The following PPP1R12B variants were observed in gnomAD, a reference collection of about 807,000 sequenced individuals.
The protein encoded by PPP1R12B is protein phosphatase 1 regulatory subunit 12B, also known as myosin phosphatase target subunit 2.
In PPP1R12B, 76 loss-of-function variants were observed where a neutral mutation model predicts 126.1. The observed-to-expected ratio is 0.60, with a 90% CI of 0.50 to 0.73. The LOEUF is 0.73. Ranked by LOEUF, PPP1R12B falls within the 30% of genes least tolerant of loss-of-function variation. The pLI is 0.00. For missense variants in PPP1R12B, 1,052 were observed against 1,205.1 expected, an observed-to-expected ratio of 0.87 and a Z score of 1.88; for synonymous variants, 356 against 434.7, an observed-to-expected ratio of 0.82 and a Z score of 2.25.
chr1:202,549,860 A>G (rs1425234181), intron 18 of PPP1R12B, among the ~76,000 whole-genome samples: 1 of 152,176 alleles, frequency 6.6e-6, no homozygotes, highest in Non-Finnish European at 1.5e-5. Context: ...GGCTGGGCAC[A>G]TACAGGTGCT....
chr1:202,538,592 G>A (rs1684785094), intron 18 of PPP1R12B, among the ~76,000 whole-genome samples: 1 of 152,198 alleles, frequency 6.6e-6, no homozygotes, highest in Admixed American at 6.5e-5. Context: ...TAAATTTCAT[G>A]TGGAAAAAGG....
At chr1:202,446,256 A>ATATATTT (rs376183502) in intron 12 of PPP1R12B, among the ~76,000 whole-genome samples, 168 of 54,270 alleles carry the variant, frequency 3.1e-3, no homozygotes, top group East Asian at 0.015. Flanking sequence ...ATATATATAT[A>ATATATTT]TTTTTTTTTT....
At chr1:202,516,431 G>A (rs575132894) in intron 18 of PPP1R12B, among the ~76,000 whole-genome samples, 10 of 152,266 alleles carry the variant, frequency 6.6e-5, no homozygotes, top group South Asian at 6.2e-4. Flanking sequence ...AGAGTATCTC[G>A]TAGGTTTGCC....
At position 202,456,271 on chromosome 1, in the gene PPP1R12B, A is replaced by G. The variant is rs1199349813; in HGVS notation, c.1850+7100A>G. Among the ~76,000 whole-genome samples the G allele has an allele frequency of 5.6e-4, 85 of 151,816 alleles. 1 individual carries two copies. The highest frequency in any genetic ancestry group is 5.5e-3 in the Admixed American group (84 of 15,222). On this transcript the variant is annotated intron_variant, in intron 13 of 23. Coordinates refer to ENST00000608999, the MANE Select transcript of PPP1R12B (RefSeq NM_002481.4). ...GCGACAGAGCAAGAATCCGTCTCAA[A>G]AAAAAAAAAGAAAGAAAGAAAGAAA...
chr1:202,504,828 C>T (rs1680639801), intron 18 of PPP1R12B, among the ~76,000 whole-genome samples: 1 of 152,188 alleles, frequency 6.6e-6, no homozygotes, highest in South Asian at 2.1e-4. Context: ...GCCTCAGTTT[C>T]CTCATCTGTA....
chr1:202,465,747 T>TAGTA (rs1674891085), intron 13 of PPP1R12B, among the ~76,000 whole-genome samples: 1 of 152,230 alleles, frequency 6.6e-6, no homozygotes, highest in South Asian at 2.1e-4. Flanking sequence ...TAATACTGGA[T>TAGTA]AGTATACTGA....
In PPP1R12B at chr1:202,586,127, A is replaced by G. The variant is rs1165525909; in HGVS notation, c.*5567A>G. On this transcript the variant is annotated 3_prime_UTR_variant, in exon 24 of 24. Coordinates refer to ENST00000608999, the MANE Select transcript of PPP1R12B (RefSeq NM_002481.4). ...AAGTAGGAGGTTCTGATACCATTCA[A>G]GATGGTCTTTCCTTCAAAGCAGGTC... 1 of 152,266 alleles carries G rather than the reference A, an allele frequency of 6.6e-6. No homozygotes were observed. Among genetic ancestry groups the G allele is most frequent in the Non-Finnish European group, 1.5e-5 (1 of 68,074 alleles). The allele number at this position is 152,266 out of a possible 1,614,324, so 9.4% of individuals were successfully genotyped here. A position where few individuals can be genotyped will look rare whatever the true frequency, so the allele number is the denominator to read the frequency against.
chr1:202,514,205 A>G (rs972341714), intron 18 of PPP1R12B, among the ~76,000 whole-genome samples: 5 of 151,552 alleles, frequency 3.3e-5, no homozygotes, highest in Non-Finnish European at 5.9e-5. Flanking sequence ...GCTTTTTTTC[A>G]TATGCTTGTT....
intron 1 of PPP1R12B, among the ~76,000 whole-genome samples, chr1:202,400,759 A>G (rs963221845): frequency 2.0e-4 from 30 of 152,360 alleles, no homozygotes; most frequent in African/African-American, 7.2e-4. Context: ...AGAAAGAAAT[A>G]GTACTGTTAT....
intron 3 of PPP1R12B, 61 bp from the exon 4 acceptor site, chr1:202,425,505 A>G: frequency 6.5e-7 from 1 of 1,542,536 alleles, no homozygotes; most frequent in South Asian, 1.2e-5. Flanking sequence ...TAAGGAAAAT[A>G]TCCTGTCAAA....
At chr1:202,430,363 C>G (rs1025009666) in intron 6 of PPP1R12B, among the ~76,000 whole-genome samples, 3 of 152,094 alleles carry the variant, frequency 2.0e-5, no homozygotes, top group Non-Finnish European at 2.9e-5. Flanking sequence ...CATTCGGTAC[C>G]TGTGTTTTCT....
chr1:202,588,850 G>GAT lies in PPP1R12B; in HGVS notation c.*8292_*8293dup, dbSNP rs1689989777. The GAT allele has an allele frequency of 1.4e-5, 2 of 145,074 alleles. No individual in the cohort carries two copies. The highest frequency in any genetic ancestry group is 5.6e-5 in the African/African-American group (2 of 35,484). The allele number at this position is 145,074 out of a possible 1,614,324, so 9.0% of individuals were successfully genotyped here. A position where few individuals can be genotyped will look rare whatever the true frequency, so the allele number is the denominator to read the frequency against. ...AGATAGATAGATAGATAGATAGATAGATAGATAGATAGATAGATAGATATC... is the reference window on the plus strand; with the variant it reads ...AGATAGATAGATAGATAGATAGATAGATATAGATAGATAGATAGATAGATATC... On this transcript the variant is annotated 3_prime_UTR_variant, in exon 24 of 24. Coordinates refer to ENST00000608999, the MANE Select transcript of PPP1R12B (RefSeq NM_002481.4).
chr1:202,432,572 G>A (rs1206671358), intron 8 of PPP1R12B, among the ~76,000 whole-genome samples: 1 of 152,100 alleles, frequency 6.6e-6, no homozygotes, highest in African/African-American at 2.4e-5. Flanking sequence ...TGGCCCTAGA[G>A]CTTCTTAAGT....
intron 12 of PPP1R12B, among the ~76,000 whole-genome samples, chr1:202,443,301 A>G (rs936649620): frequency 2.0e-5 from 3 of 152,188 alleles, no homozygotes; most frequent in African/African-American, 4.8e-5. Flanking sequence ...TTTATTGCTT[A>G]CTTTGAATTC....
intron 1 of PPP1R12B, among the ~76,000 whole-genome samples, chr1:202,410,581 T>C (rs371911230): frequency 1.3e-5 from 2 of 152,338 alleles, no homozygotes; most frequent in East Asian, 3.9e-4. Flanking sequence ...CTGCCAGATT[T>C]AACCCTGGCA....
intron 13 of PPP1R12B, among the ~76,000 whole-genome samples, chr1:202,486,819 C>T (rs1313456080): frequency 6.6e-6 from 1 of 152,104 alleles, no homozygotes; most frequent in East Asian, 1.9e-4. Context: ...AAAAACAAAA[C>T]CTTCCCACAA....
chr1:202,482,306 C>G (rs182742918), intron 13 of PPP1R12B, among the ~76,000 whole-genome samples: 1 of 152,140 alleles, frequency 6.6e-6, no homozygotes, highest in Admixed American at 6.5e-5. Context: ...TTTAAAGGAA[C>G]CTCCATACTG....
chr1:202,396,564 A>G (rs1189113350), intron 1 of PPP1R12B, among the ~76,000 whole-genome samples: 1 of 152,128 alleles, frequency 6.6e-6, no homozygotes, highest in Non-Finnish European at 1.5e-5. Flanking sequence ...TGTGATTACT[A>G]CTACTTCACA....
At chr1:202,393,097 C>T (rs1429397379) in intron 1 of PPP1R12B, among the ~76,000 whole-genome samples, 1 of 152,074 alleles carries the variant, frequency 6.6e-6, no homozygotes, top group African/African-American at 2.4e-5. Context: ...AGGCACACAC[C>T]ACCAAGCCTG....
Sources: allele counts gnomAD v4.1 joint callset (sites outside exome capture counted in the v4.1 genomes callset), GRCh38; gene constraint gnomAD v4.1.1; transcripts MANE v1.5; gene names NCBI Gene and HGNC (gene_info 2026-07-23, HGNC 2026-07-21).